The following FAM120B variants were observed in gnomAD, a reference collection of about 807,000 sequenced individuals.
FAM120B encodes the protein constitutive coactivator of peroxisome proliferator-activated receptor gamma.
Under a neutral mutation model 96.3 loss-of-function variants are expected in FAM120B, and 83 were observed. That is an observed-to-expected ratio of 0.86 (90% CI 0.72 to 1.03). The LOEUF is 1.03. Ranked by LOEUF, FAM120B falls within the 50% of genes least tolerant of loss-of-function variation. FAM120B has a pLI of 0.00. For synonymous variants in FAM120B, 407 were observed against 402.7 expected, an observed-to-expected ratio of 1.01 and a Z score of -0.13; for missense variants, 1,027 against 1,121.2, an observed-to-expected ratio of 0.92 and a Z score of 1.20.
chr6:170,291,027 A>G (rs1783854894), upstream of FAM120B: 1 of 700,526 alleles, frequency 1.4e-6, no homozygotes, highest in Non-Finnish European at 2.6e-6. Context: ...GAGCTGTCAC[A>G]AAGGAGCCAC....
At chr6:170,342,813 A>C (rs755063548) in intron 4 of FAM120B, among the ~76,000 whole-genome samples, 19 of 152,160 alleles carry the variant, frequency 1.2e-4, no homozygotes, top group Non-Finnish European at 2.4e-4. Context: ...TTTTGTCTCT[A>C]AGTTCTTGTT....
At chr6:170,395,290 G>T (rs77436797) in intron 8 of FAM120B, among the ~76,000 whole-genome samples, 197 bp from the exon 9 acceptor site, 2,430 of 152,282 alleles carry the variant, frequency 0.016, 103 homozygotes, top group East Asian at 0.1. Flanking sequence ...GGTTTAACAC[G>T]CAGATCTGTG....
At chr6:170,385,520 T>A (rs2144247) in intron 6 of FAM120B, among the ~76,000 whole-genome samples, 12,555 of 152,246 alleles carry the variant, frequency 0.082, 568 homozygotes, top group Non-Finnish European at 0.097. Flanking sequence ...AGGTTTTTTT[T>A]ATGTCATTCG....
chr6:170,325,851 CAAA>C (rs35486860), intron 3 of FAM120B, among the ~76,000 whole-genome samples: 7 of 119,470 alleles, frequency 5.9e-5, no homozygotes, highest in Non-Finnish European at 8.6e-5. Flanking sequence ...GACTTCATCT[CAAA>C]AAAAAAAAAA....
intron 1 of FAM120B, among the ~76,000 whole-genome samples, chr6:170,296,833 C>T (rs868386042): frequency 1.2e-3 from 190 of 152,302 alleles, no homozygotes; most frequent in African/African-American, 4.4e-3. Context: ...GCGGCGGCTC[C>T]TTTCCGGCTG....
chr6:170,362,436 T>C lies in FAM120B; in HGVS notation c.2283+4118T>C, dbSNP rs1011165324. Among the ~76,000 whole-genome samples, 10 of 152,172 alleles carry C rather than the reference T, an allele frequency of 6.6e-5. 1 individual carries two copies. The highest frequency in any genetic ancestry group is 2.2e-4 in the African/African-American group (9 of 41,442). On this transcript the variant is annotated intron_variant, in intron 6 of 10. Transcript: ENST00000476287. ...TCTAGGAATGTGGAAAGAGGTATAATTGTCTACCTGCCACTCTCCCAGTGT... is the reference window on the plus strand; with the variant it reads ...TCTAGGAATGTGGAAAGAGGTATAACTGTCTACCTGCCACTCTCCCAGTGT...
intron 3 of FAM120B, among the ~76,000 whole-genome samples, chr6:170,327,910 C>T (rs1785712732): frequency 6.6e-6 from 1 of 151,814 alleles, no homozygotes; most frequent in Non-Finnish European, 1.5e-5. Context: ...ACACACACTG[C>T]ACACGCAGGC....
intron 5 of FAM120B, among the ~76,000 whole-genome samples, chr6:170,355,561 T>A (rs527456167): frequency 7.9e-5 from 12 of 151,444 alleles, no homozygotes; most frequent in African/African-American, 2.9e-4. Flanking sequence ...CACTGGGGAC[T>A]GTGAGGGGGT....
At chr6:170,329,740 C>A (rs1319702746) in intron 3 of FAM120B, among the ~76,000 whole-genome samples, 3 of 152,072 alleles carry the variant, frequency 2.0e-5, no homozygotes, top group Non-Finnish European at 4.4e-5. Context: ...CTTTTGATTC[C>A]TGTTTTTGTG....
intron 8 of FAM120B, among the ~76,000 whole-genome samples, chr6:170,393,133 G>A (rs1156657315): frequency 7.8e-6 from 1 of 127,950 alleles, no homozygotes; most frequent in Non-Finnish European, 1.6e-5. Flanking sequence ...GAAACATAGC[G>A]AGACCCTGTC....
chr6:170,357,938 G>A (rs1225027244), intron 5 of FAM120B, among the ~76,000 whole-genome samples: 3 of 152,240 alleles, frequency 2.0e-5, no homozygotes, highest in Non-Finnish European at 2.9e-5. Flanking sequence ...GATGCACCAT[G>A]TGTGTGCCTG....
At chr6:170,296,064 C>G (rs924837086) in intron 1 of FAM120B, among the ~76,000 whole-genome samples, 5 of 152,116 alleles carry the variant, frequency 3.3e-5, no homozygotes, top group East Asian at 1.9e-4. Context: ...CATGACAAAG[C>G]GCGTGTTTAC....
At chr6:170,311,010 A>G (rs1449436671) in intron 1 of FAM120B, among the ~76,000 whole-genome samples, 1 of 152,198 alleles carries the variant, frequency 6.6e-6, no homozygotes, top group Admixed American at 6.5e-5. Flanking sequence ...GGGATAGAAG[A>G]GGGTCTCTCT....
chr6:170,296,848 C>CG (rs1030086378), intron 1 of FAM120B, among the ~76,000 whole-genome samples: 2 of 152,134 alleles, frequency 1.3e-5, no homozygotes, highest in African/African-American at 4.8e-5. Context: ...CGGCTGCATC[C>CG]GGGGGGTCGA....
chr6:170,336,426 T>G (rs1341411805), intron 4 of FAM120B, among the ~76,000 whole-genome samples: 24 of 152,200 alleles, frequency 1.6e-4, no homozygotes, highest in Admixed American at 1.6e-3. Context: ...CACGCTGTTT[T>G]GGTTACTGTA....
intron 5 of FAM120B, among the ~76,000 whole-genome samples, chr6:170,350,456 C>G (rs1195715202): frequency 6.6e-6 from 1 of 152,142 alleles, no homozygotes; most frequent in Non-Finnish European, 1.5e-5. Context: ...CAAAAAGCAG[C>G]CAGATCCCTG....
At chr6:170,338,554 G>A (rs1194156337) in intron 4 of FAM120B, among the ~76,000 whole-genome samples, 9 of 152,110 alleles carry the variant, frequency 5.9e-5, no homozygotes. Context: ...GGTCTACTTG[G>A]TCCAGAGTTG....
At chr6:170,306,155 G>A (rs377236189), upstream of FAM120B, among the ~76,000 whole-genome samples, 5 of 152,200 alleles carry the variant, frequency 3.3e-5, no homozygotes, top group South Asian at 2.1e-4. Flanking sequence ...CAATGGTGAC[G>A]GTCAGAACAC....
chr6:170,395,383 G>A, intron 8 of FAM120B, 104 bp from the exon 9 acceptor site: 1 of 876,690 alleles, frequency 1.1e-6, no homozygotes. Context: ...TTTAAGTACG[G>A]GGATACTGCT....
Sources: gnomAD v4.1 joint callset for allele counts (sites outside exome capture counted in the v4.1 genomes callset) on GRCh38, gnomAD v4.1.1 for gene constraint, MANE v1.5 for transcripts, NCBI Gene and HGNC (gene_info 2026-07-23, HGNC 2026-07-21) for gene names.